Variants in SPOCK3 observed in about 807,000 individuals in gnomAD.
SPOCK3 encodes the protein testican-3.
A neutral mutation model predicts 56.6 loss-of-function variants in SPOCK3; 30 were observed. The ratio of observed to expected loss-of-function variants is 0.53; its 90% CI spans 0.40 to 0.72. The LOEUF (loss-of-function observed/expected upper bound fraction) is 0.72, where lower values mean the gene tolerates loss of function less well. SPOCK3 is among the 30% of genes least tolerant of loss of function. SPOCK3 has a pLI of 0.00. For synonymous variants in SPOCK3, 196 were observed against 183.3 expected (o/e 1.07, Z -0.56); for missense variants, 527 against 530.0 (o/e 0.99, Z 0.06).
At chr4:166,870,961 C>G (rs1560954962) in intron 6 of SPOCK3, among the ~76,000 whole-genome samples, 1 of 152,086 alleles carries the variant, frequency 6.6e-6, no homozygotes, top group Non-Finnish European at 1.5e-5. Context: ...TCACACTTGT[C>G]TCTCCTGCCA....
intron 6 of SPOCK3, chr4:166,883,312 A>G (rs751829893): frequency 6.6e-6 from 1 of 152,218 alleles, no homozygotes; most frequent in Admixed American, 6.5e-5. Context: ...ATTATAGAAT[A>G]ACTCAGTCCC....
At chr4:166,901,080 C>T (rs1003537052) in intron 5 of SPOCK3, among the ~76,000 whole-genome samples, 4 of 152,104 alleles carry the variant, frequency 2.6e-5, no homozygotes, top group Non-Finnish European at 5.9e-5. Flanking sequence ...TTAACCTTAC[C>T]AGAGAAGTCT....
At chr4:166,744,997 C>G (rs1735388955) in intron 8 of SPOCK3, among the ~76,000 whole-genome samples, 1 of 151,998 alleles carries the variant, frequency 6.6e-6, no homozygotes, top group Non-Finnish European at 1.5e-5. Context: ...GTGAAGAGAC[C>G]AAATCTACAT....
intron 6 of SPOCK3, among the ~76,000 whole-genome samples, chr4:166,847,668 TATATATATATATAA>T (rs1210184913): frequency 2.6e-4 from 27 of 103,960 alleles, no homozygotes; most frequent in African/African-American, 1.2e-3. Context: ...TATATATATA[TATATATATATATAA>T]GAATCATGTT....
chr4:166,875,144 G>A (rs1053861842), intron 6 of SPOCK3, among the ~76,000 whole-genome samples: 1 of 151,918 alleles, frequency 6.6e-6, no homozygotes. Flanking sequence ...ATGATAGGTT[G>A]GTTATTACTT....
intron 4 of SPOCK3, among the ~76,000 whole-genome samples, chr4:166,967,614 C>A (rs928154011): frequency 1.3e-5 from 2 of 152,192 alleles, no homozygotes; most frequent in Non-Finnish European, 1.5e-5. Flanking sequence ...GAGGCCTCCC[C>A]AGTCAGTCCC....
At chr4:166,871,349 C>T (rs1044385177) in intron 6 of SPOCK3, among the ~76,000 whole-genome samples, 1 of 151,846 alleles carries the variant, frequency 6.6e-6, no homozygotes, top group South Asian at 2.1e-4. Flanking sequence ...GCAAAATTAG[C>T]AATATTGGGA....
intron 2 of SPOCK3, among the ~76,000 whole-genome samples, chr4:167,222,631 G>T (rs1417534122): frequency 6.7e-5 from 9 of 134,846 alleles, no homozygotes; most frequent in South Asian, 2.2e-4. Flanking sequence ...TATAAACATA[G>T]ATATATATTA....
intron 4 of SPOCK3, among the ~76,000 whole-genome samples, chr4:166,984,881 A>G (rs1746972356): frequency 6.6e-6 from 1 of 152,096 alleles, no homozygotes; most frequent in Admixed American, 6.5e-5. Context: ...TTTCATAACA[A>G]TAATTCTTTA....
chr4:166,802,005 T>A (rs539777715), intron 6 of SPOCK3, among the ~76,000 whole-genome samples: 5 of 152,174 alleles, frequency 3.3e-5, no homozygotes, highest in African/African-American at 1.2e-4. Flanking sequence ...TACATTCTGT[T>A]CAATTGTGAG....
intron 6 of SPOCK3, among the ~76,000 whole-genome samples, chr4:166,815,448 C>T (rs988456806): frequency 6.6e-6 from 1 of 152,000 alleles, no homozygotes; most frequent in Non-Finnish European, 1.5e-5. Flanking sequence ...CATAAAACAC[C>T]TACATACATT....
intron 6 of SPOCK3, among the ~76,000 whole-genome samples, chr4:166,809,217 C>T (rs1313406404): frequency 6.6e-6 from 1 of 151,740 alleles, no homozygotes; most frequent in African/African-American, 2.4e-5. Flanking sequence ...GCTTGCCTTC[C>T]ATCCTTCATT....
intron 6 of SPOCK3, among the ~76,000 whole-genome samples, chr4:166,818,157 G>A (rs1350745065): frequency 6.6e-6 from 1 of 151,904 alleles, no homozygotes; most frequent in Admixed American, 6.6e-5. Context: ...CCTCATCTAA[G>A]TCACTTAACA....
chr4:166,862,499 T>G (rs941530301), intron 6 of SPOCK3, among the ~76,000 whole-genome samples: 3 of 152,094 alleles, frequency 2.0e-5, no homozygotes, highest in African/African-American at 4.8e-5. Context: ...TGCTACTAAC[T>G]TTTTTATCTT....
chr4:167,062,715 G>T, intron 2 of SPOCK3, 178 bp from the exon 3 acceptor site: 1 of 559,568 alleles, frequency 1.8e-6, no homozygotes, highest in Non-Finnish European at 3.2e-6. Flanking sequence ...AAGAGAAAAA[G>T]AATAGTTATC....
chr4:166,987,440 T>G (rs1427158983), intron 4 of SPOCK3, among the ~76,000 whole-genome samples: 2 of 152,200 alleles, frequency 1.3e-5, no homozygotes, highest in African/African-American at 4.8e-5. Context: ...TAAATTATAT[T>G]GCGTATTGTT....
chr4:166,951,910 T>A (rs1429076499), intron 4 of SPOCK3, among the ~76,000 whole-genome samples: 2 of 152,098 alleles, frequency 1.3e-5, no homozygotes, highest in South Asian at 2.1e-4. Context: ...TCTCAAAAAA[T>A]TAGGTATTGA....
intron 2 of SPOCK3, among the ~76,000 whole-genome samples, chr4:167,122,066 CCTCT>C (rs1218258768): frequency 6.6e-6 from 1 of 151,614 alleles, no homozygotes; most frequent in Non-Finnish European, 1.5e-5. Context: ...TCCCTCCCTC[CCTCT>C]TTTCTTTTCC....
chr4:166,871,192 G>A (rs1273777366), intron 6 of SPOCK3, among the ~76,000 whole-genome samples: 8 of 151,836 alleles, frequency 5.3e-5, no homozygotes, highest in Non-Finnish European at 1.2e-4. Flanking sequence ...CAAGTAAAAG[G>A]AAGAAAATGA....
Sources: gnomAD v4.1 joint callset for allele counts (sites outside exome capture counted in the v4.1 genomes callset) on GRCh38, gnomAD v4.1.1 for gene constraint, MANE v1.5 for transcripts, NCBI Gene and HGNC (gene_info 2026-07-23, HGNC 2026-07-21) for gene names.